Variants in VPS54 observed in about 807,000 individuals in gnomAD.
The protein encoded by VPS54 is VPS54 subunit of GARP complex, also known as vacuolar protein sorting-associated protein 54.
Under a neutral mutation model 121.5 loss-of-function variants are expected in VPS54, and 45 were observed. The observed-to-expected ratio is 0.37, with a 90% CI of 0.29 to 0.47. VPS54 has a LOEUF of 0.47. Among genes scored for constraint, VPS54 ranks in the 20% least tolerant of loss-of-function variants. The pLI, the probability that VPS54 is intolerant of heterozygous loss-of-function variation, is 0.99. For synonymous variants in VPS54, 371 were observed against 385.8 expected (o/e 0.96, Z 0.45); for missense variants, 1,090 against 1,131.4 (o/e 0.96, Z 0.52).
intron 7 of VPS54, among the ~76,000 whole-genome samples, chr2:63,959,429 T>G (rs1289841044): frequency 6.6e-6 from 1 of 152,196 alleles, no homozygotes; most frequent in Non-Finnish European, 1.5e-5. Context: ...TACCAAACTT[T>G]TAAACAGTTA....
chr2:64,002,399 C>T (rs1359193429), intron 1 of VPS54, among the ~76,000 whole-genome samples: 1 of 152,140 alleles, frequency 6.6e-6, no homozygotes, highest in East Asian at 1.9e-4. Context: ...TCCAGTGGAG[C>T]CTTCTAGTCC....
At chr2:63,944,221 T>C (rs1674870206) in intron 10 of VPS54, among the ~76,000 whole-genome samples, 1 of 152,182 alleles carries the variant, frequency 6.6e-6, no homozygotes, top group African/African-American at 2.4e-5. Context: ...CTATGTTCTG[T>C]CCCTGTCCAT....
chr2:63,898,319 C>A (rs1672528580), intron 21 of VPS54, among the ~76,000 whole-genome samples: 1 of 151,970 alleles, frequency 6.6e-6, no homozygotes, highest in African/African-American at 2.4e-5. Context: ...GAGGATCTTA[C>A]ATGTGGAATG....
chr2:63,901,380 A>C (rs13405024), intron 20 of VPS54, among the ~76,000 whole-genome samples: 1 of 152,170 alleles, frequency 6.6e-6, no homozygotes, highest in Non-Finnish European at 1.5e-5. Context: ...AATAAGTAAA[A>C]TTTTAACAAA....
chr2:63,912,768 C>G, intron 18 of VPS54, 107 bp from the exon 19 acceptor site: 1 of 1,351,742 alleles, frequency 7.4e-7, no homozygotes, highest in Non-Finnish European at 9.9e-7. Context: ...TTATAAAGAA[C>G]CAGTTTATTT....
rs199788085 is a variant in VPS54 at position 63,976,372 on chromosome 2, C to A, written c.379-4128G>T. Among the ~76,000 whole-genome samples the A allele has an allele frequency of 5.1e-3, 711 of 139,714 alleles. 7 individuals are homozygous for A. The highest frequency in any genetic ancestry group is 0.02 in the East Asian group (103 of 5,080). 91.7% of individuals were successfully genotyped at this position (139,714 alleles called of 152,430 possible). A position where few individuals can be genotyped will look rare whatever the true frequency, so the allele number is the denominator to read the frequency against. On this transcript the variant is annotated intron_variant, in intron 3 of 22. Coordinates refer to ENST00000272322, the MANE Select transcript of VPS54 (RefSeq NM_016516.3). ...TCTCAAAAAAAAAAAAAACAAAAAA[C>A]AAAAAAACACACAAGAGGTCTAAAG...
rs1181572827 is a variant in VPS54, at chr2:64,019,199, A to C, written c.-282T>G. ...TCACGTCTCTCCCGGGTGTCCTGTC[A>C]GCCAGCAGTTTCCCCCGGGTCCGCA... On this transcript the variant is annotated 5_prime_UTR_variant, in exon 1 of 23. Transcript: ENST00000272322. The C allele has an allele frequency of 2.0e-5, 3 of 151,008 alleles. No individual in the cohort carries two copies. Among genetic ancestry groups the C allele is most frequent in the African/African-American group, 7.3e-5 (3 of 41,186 alleles). The allele number at this position is 151,008 out of a possible 1,614,324, so 9.4% of individuals were successfully genotyped here. A position where few individuals can be genotyped will look rare whatever the true frequency, so the allele number is the denominator to read the frequency against.
chr2:63,893,821 A>G (rs965884876), intron 22 of VPS54, among the ~76,000 whole-genome samples: 1 of 152,238 alleles, frequency 6.6e-6, no homozygotes, highest in African/African-American at 2.4e-5. Flanking sequence ...AACAGCATGA[A>G]TTAATATACA....
chr2:63,911,080 A>T (rs994873693), intron 20 of VPS54, among the ~76,000 whole-genome samples: 2 of 96,974 alleles, frequency 2.1e-5, no homozygotes, highest in African/African-American at 1.2e-4. Flanking sequence ...TTAGCTGTTT[A>T]CAGTCTTCTA....
chr2:64,001,088 T>A (rs1677851395), intron 1 of VPS54, among the ~76,000 whole-genome samples: 1 of 152,178 alleles, frequency 6.6e-6, no homozygotes, highest in Non-Finnish European at 1.5e-5. Flanking sequence ...CCTCAAATCA[T>A]GAGACACGGT....
chr2:63,990,306 G>C (rs1477000170), intron 1 of VPS54, among the ~76,000 whole-genome samples: 1 of 151,810 alleles, frequency 6.6e-6, no homozygotes, highest in Non-Finnish European at 1.5e-5. Flanking sequence ...CGAAGAGCCA[G>C]TACTTATAAG....
At chr2:63,911,439 A>T (rs1420038406) in intron 20 of VPS54, among the ~76,000 whole-genome samples, 2 of 152,166 alleles carry the variant, frequency 1.3e-5, no homozygotes, top group Non-Finnish European at 2.9e-5. Flanking sequence ...CTTTCCAGGA[A>T]TCTGGGAAGT....
At chr2:63,918,564 C>G (rs1219679373) in intron 15 of VPS54, among the ~76,000 whole-genome samples, 2 of 151,878 alleles carry the variant, frequency 1.3e-5, no homozygotes, top group Non-Finnish European at 2.9e-5. Context: ...AAAACTCTAC[C>G]ACCCAACACT....
intron 11 of VPS54, among the ~76,000 whole-genome samples, chr2:63,934,214 A>G (rs1190515544): frequency 6.6e-6 from 1 of 152,196 alleles, no homozygotes; most frequent in Non-Finnish European, 1.5e-5. Flanking sequence ...TGGGTTCACT[A>G]AAGCTTAGAA....
intron 20 of VPS54, among the ~76,000 whole-genome samples, chr2:63,906,266 A>C (rs928744148): frequency 2.0e-5 from 3 of 152,256 alleles, no homozygotes; most frequent in Non-Finnish European, 1.5e-5. Flanking sequence ...GTGTGTATGC[A>C]GAAAAATCCC....
intron 21 of VPS54, among the ~76,000 whole-genome samples, chr2:63,897,873 T>C (rs929349758): frequency 4.6e-5 from 7 of 152,198 alleles, no homozygotes; most frequent in African/African-American, 1.4e-4. Flanking sequence ...GTGGGGAATT[T>C]TGTAACATAG....
chr2:63,970,210 T>TACAC (rs1301850062), intron 4 of VPS54, among the ~76,000 whole-genome samples: 4,971 of 101,574 alleles, frequency 0.049, 335 homozygotes, highest in African/African-American at 0.14. Flanking sequence ...AAAATATATA[T>TACAC]ATACACACAC....
intron 1 of VPS54, among the ~76,000 whole-genome samples, chr2:63,990,972 C>T (rs1677290823): frequency 6.6e-6 from 1 of 152,080 alleles, no homozygotes; most frequent in African/African-American, 2.4e-5. Context: ...CTTTTCTAAC[C>T]CCATTAAAGC....
At chr2:63,926,588 C>T (rs1053094514) in intron 12 of VPS54, among the ~76,000 whole-genome samples, 51 of 152,158 alleles carry the variant, frequency 3.4e-4, no homozygotes, top group African/African-American at 1.2e-3. Context: ...GACGGGTGAT[C>T]TCTGCATTTC....
Sources: allele counts gnomAD v4.1 joint callset (sites outside exome capture counted in the v4.1 genomes callset), GRCh38; gene constraint gnomAD v4.1.1; transcripts MANE v1.5; gene names NCBI Gene and HGNC (gene_info 2026-07-23, HGNC 2026-07-21).